FMN1: variants seen among roughly 807,000 people sequenced by gnomAD.
FMN1 encodes the protein formin 1.
A neutral mutation model predicts 132.4 loss-of-function variants in FMN1; 110 were observed. The observed-to-expected ratio is 0.83, with a 90% CI of 0.71 to 0.97. The LOEUF is 0.97. FMN1 is among the 50% of genes least tolerant of loss of function. FMN1 has a pLI of 0.00. For missense variants in FMN1, 1,792 were observed against 1,705.3 expected, an observed-to-expected ratio of 1.05 and a Z score of -0.90; for synonymous variants, 722 against 651.7, an observed-to-expected ratio of 1.11 and a Z score of -1.64.
chr15:33,123,751 T>C (rs1013341132), intron 4 of FMN1, among the ~76,000 whole-genome samples: 2 of 152,232 alleles, frequency 1.3e-5, no homozygotes, highest in African/African-American at 2.4e-5. Context: ...TTTGGCCTTT[T>C]GGCTCCACTA....
intron 7 of FMN1, among the ~76,000 whole-genome samples, chr15:33,004,161 A>G (rs1208805591): frequency 6.6e-6 from 1 of 152,180 alleles, no homozygotes; most frequent in Non-Finnish European, 1.5e-5. Flanking sequence ...AAAACACCAA[A>G]AGCAATGGCA....
At chr15:32,917,479 T>C (rs2060711688) in intron 10 of FMN1, among the ~76,000 whole-genome samples, 1 of 152,204 alleles carries the variant, frequency 6.6e-6, no homozygotes, top group Admixed American at 6.5e-5. Context: ...AGGCAGACTT[T>C]ATTGGGGATT....
chr15:33,110,928 C>A (rs2039678086), intron 4 of FMN1, among the ~76,000 whole-genome samples: 1 of 152,060 alleles, frequency 6.6e-6, no homozygotes, highest in Non-Finnish European at 1.5e-5. Flanking sequence ...AACTCCTTTA[C>A]ATTTTTCAAG....
At chr15:32,884,608 C>T (rs1001735565) in intron 16 of FMN1, among the ~76,000 whole-genome samples, 1 of 152,156 alleles carries the variant, frequency 6.6e-6, no homozygotes, top group Admixed American at 6.5e-5. Context: ...CATTATTCTG[C>T]CTACCACATA....
At chr15:33,083,075 G>T (rs2038548672) in intron 5 of FMN1, among the ~76,000 whole-genome samples, 1 of 151,468 alleles carries the variant, frequency 6.6e-6, no homozygotes, top group Non-Finnish European at 1.5e-5. Flanking sequence ...CTACACAGCA[G>T]TCTAGCATCT....
rs143986600 is a variant in FMN1, at chr15:33,166,926, G to T, written c.-131-11881C>A. On this transcript the variant is annotated intron_variant, in intron 3 of 20. Coordinates refer to ENST00000616417, the MANE Select transcript of FMN1 (RefSeq NM_001277313.2). ...TATCCCAATCCAACAAGGGCAACTG[G>T]ACTCACCACTGCTGTATGCCAAGCT... 3.8e-4 allele frequency among the ~76,000 whole-genome samples: 58 copies of T among 152,314 alleles called. No individual in the cohort carries two copies. In the East Asian group the frequency reaches 0.011, roughly 28 times the overall value.
intron 4 of FMN1, among the ~76,000 whole-genome samples, chr15:33,115,498 C>CGACA (rs1555402880): frequency 6.9e-6 from 1 of 144,466 alleles, no homozygotes; most frequent in African/African-American, 2.6e-5. Flanking sequence ...TAAGCCCCCC[C>CGACA]CCCCCACACA....
In FMN1 at chr15:33,150,035, G is replaced by A; in HGVS notation, c.1867+3013C>T. 3 of 985,376 alleles carry A rather than the reference G, an allele frequency of 3.0e-6. No individual in the cohort carries two copies. In the South Asian group the frequency reaches 1.4e-4, roughly 46 times the overall value. The allele number at this position is 985,376 out of a possible 1,614,324, so 61.0% of individuals were successfully genotyped here. On this transcript the variant is annotated intron_variant, in intron 4 of 20. Transcript: ENST00000616417. The stretch of plus-strand genomic sequence containing the variant: ...AGTTCTCAATATCAGGAAGAACTAT[G>A]CCTGGAGCATATGCTTCCATCACCA...
intron 7 of FMN1, among the ~76,000 whole-genome samples, chr15:32,976,238 G>A (rs2032191523): frequency 1.3e-5 from 2 of 152,120 alleles, no homozygotes; most frequent in South Asian, 4.2e-4. Flanking sequence ...GGGCTGCATG[G>A]AGGCTCAACA....
chr15:33,140,033 A>AT (rs1233105176), intron 4 of FMN1, among the ~76,000 whole-genome samples: 3 of 152,126 alleles, frequency 2.0e-5, no homozygotes, highest in Non-Finnish European at 4.4e-5. Context: ...ATATTAACAT[A>AT]TTTTCTCTCT....
intron 5 of FMN1, among the ~76,000 whole-genome samples, chr15:33,077,641 T>G (rs2038272368): frequency 1.3e-5 from 2 of 151,908 alleles, no homozygotes. Context: ...TTGCAACAGT[T>G]TGCTGAGAAT....
chr15:32,997,843 G>A (rs906577715), intron 7 of FMN1, among the ~76,000 whole-genome samples: 6 of 152,048 alleles, frequency 3.9e-5, no homozygotes, highest in African/African-American at 1.2e-4. Flanking sequence ...ACAGAAGAGA[G>A]GAAGAAAGGG....
chr15:32,990,411 AAGAC>A (rs1450308910), intron 7 of FMN1, among the ~76,000 whole-genome samples: 10 of 152,120 alleles, frequency 6.6e-5, no homozygotes, highest in African/African-American at 1.7e-4. Context: ...CAAAGAAAGA[AAGAC>A]AGATAGGAGA....
intron 6 of FMN1, among the ~76,000 whole-genome samples, chr15:33,026,041 C>T (rs1239718384): frequency 3.3e-5 from 5 of 151,954 alleles, no homozygotes; most frequent in African/African-American, 9.7e-5. Flanking sequence ...AAAACTTACA[C>T]TGTGACAGCA....
intron 10 of FMN1, among the ~76,000 whole-genome samples, chr15:32,919,653 C>G (rs1219854414): frequency 6.6e-6 from 1 of 152,162 alleles, no homozygotes; most frequent in African/African-American, 2.4e-5. Context: ...AACATGCACT[C>G]AAACTTTTTA....
chr15:33,140,141 C>G (rs1963945307), intron 4 of FMN1, among the ~76,000 whole-genome samples: 1 of 150,796 alleles, frequency 6.6e-6, no homozygotes, highest in African/African-American at 2.4e-5. Flanking sequence ...CAATTAACAA[C>G]AAAGACAAAT....
At position 32,798,971 on chromosome 15, in the gene FMN1, G is replaced by A. The variant is rs768296282; in HGVS notation, c.3981-18C>T. The A allele has an allele frequency of 9.3e-6, 15 of 1,611,104 alleles. 1 individual carries two copies. The highest frequency in any genetic ancestry group is 3.3e-4 in the Middle Eastern group (2 of 6,076). On this transcript the variant is annotated intron_variant, in intron 18 of 20. Coordinates refer to ENST00000616417, the MANE Select transcript of FMN1 (RefSeq NM_001277313.2). ...TTTCAAAACTGCAACAGGTAGGGGG[G>A]AAAATGGAATGAGGTAGAGGTGAGA...
At chr15:33,116,700 T>C (rs1200475163) in intron 4 of FMN1, among the ~76,000 whole-genome samples, 1 of 152,108 alleles carries the variant, frequency 6.6e-6, no homozygotes, top group Non-Finnish European at 1.5e-5. Context: ...AGGAAATTCA[T>C]ATTGAAGCCC....
intron 7 of FMN1, among the ~76,000 whole-genome samples, chr15:33,002,600 A>C (rs1047650140): frequency 6.6e-6 from 1 of 152,184 alleles, no homozygotes; most frequent in Non-Finnish European, 1.5e-5. Flanking sequence ...CACCCTGGCA[A>C]ATGAGAGGTC....
Sources: allele counts gnomAD v4.1 joint callset (sites outside exome capture counted in the v4.1 genomes callset), GRCh38; gene constraint gnomAD v4.1.1; transcripts MANE v1.5; gene names NCBI Gene and HGNC (gene_info 2026-07-23, HGNC 2026-07-21).